MTCL2: variants seen among roughly 807,000 people sequenced by gnomAD.
MTCL2 encodes the protein microtubule cross-linking factor 2.
the MTCL2 span, chr20:36,802,730 G>A: frequency 8.8e-7 from 1 of 1,142,586 alleles, no homozygotes; most frequent in South Asian, 1.6e-5. Flanking sequence ...TGAAGGAGAT[G>A]GTGTGCCAGA....
the MTCL2 span, chr20:36,862,594 A>G: frequency 1.4e-6 from 2 of 1,391,938 alleles, no homozygotes; most frequent in Non-Finnish European, 1.9e-6. Flanking sequence ...CTGGTGCCTC[A>G]GGCCCGCGGG....
At chr20:36,805,877 C>T in the MTCL2 span, 109 of 1,612,828 alleles carry the variant, frequency 6.8e-5, no homozygotes, top group South Asian at 1.3e-4. Flanking sequence ...AGCTGTCCCC[C>T]GTGCAGGCCT....
chr20:36,863,139 C>T, the MTCL2 span: 1 of 1,392,460 alleles, frequency 7.2e-7, no homozygotes, highest in Non-Finnish European at 9.4e-7. The surrounding 1 kb of genome is among the most constrained non-coding windows in gnomAD (Gnocchi z 6.2). Context: ...CTTGTCCGGC[C>T]GTGAGGAGAA....
chr20:36,863,381 G>T, the MTCL2 span: 2 of 1,148,614 alleles, frequency 1.7e-6, no homozygotes, highest in Admixed American at 4.8e-5. This position sits in a 1 kb window ranked among gnomAD's most constrained non-coding sequence, Gnocchi z 6.2. Flanking sequence ...TGCGCGCATG[G>T]CCCAGGCCCG....
At chr20:36,815,547 G>A in the MTCL2 span, 6 of 1,572,280 alleles carry the variant, frequency 3.8e-6, no homozygotes, top group East Asian at 2.4e-5. The surrounding 1 kb of genome is among the most constrained non-coding windows in gnomAD (Gnocchi z 5.3). Context: ...CTCGCCCAGG[G>A]GAGCAGGCAC....
At chr20:36,793,905 C>T in the MTCL2 span, 134 of 1,550,954 alleles carry the variant, frequency 8.6e-5, no homozygotes, top group Admixed American at 1.4e-4. The surrounding 1 kb of genome is among the most constrained non-coding windows in gnomAD (Gnocchi z 6.8). Context: ...CGGGGTGGGT[C>T]GGTCTGCAGG....
chr20:36,808,392 G>T, the MTCL2 span: 1 of 734,792 alleles, frequency 1.4e-6, no homozygotes, highest in Non-Finnish European at 2.2e-6. Flanking sequence ...CAGGAAGGAA[G>T]CCTGCATGCT....
At chr20:36,807,910 C>G in the MTCL2 span, among the ~76,000 whole-genome samples, 1 of 114,492 alleles carries the variant, frequency 8.7e-6, no homozygotes, top group South Asian at 3.1e-4. Context: ...GAGTCTTGCT[C>G]TCTCTCCCAC....
At chr20:36,858,947 C>A in the MTCL2 span, among the ~76,000 whole-genome samples, 1 of 152,112 alleles carries the variant, frequency 6.6e-6, no homozygotes, top group East Asian at 1.9e-4. Context: ...CCCACGACCA[C>A]GCCTGGGTAA....
the MTCL2 span, among the ~76,000 whole-genome samples, chr20:36,854,005 C>G: frequency 6.6e-6 from 1 of 152,192 alleles, no homozygotes; most frequent in East Asian, 1.9e-4. Flanking sequence ...ATCTCAAAAA[C>G]TCAGAGCAGG....
chr20:36,816,895 G>A, the MTCL2 span, among the ~76,000 whole-genome samples: 1 of 152,204 alleles, frequency 6.6e-6, no homozygotes, highest in Non-Finnish European at 1.5e-5. Context: ...CTGGGGTGGG[G>A]AGCGAGCATC....
chr20:36,788,343 C>T, the MTCL2 span, among the ~76,000 whole-genome samples: 2 of 151,898 alleles, frequency 1.3e-5, no homozygotes, highest in African/African-American at 4.8e-5. Flanking sequence ...GAGCAAGACC[C>T]CATCTCTTTA....
chr20:36,830,064 C>T, the MTCL2 span, among the ~76,000 whole-genome samples: 697 of 152,162 alleles, frequency 4.6e-3, 2 homozygotes, highest in African/African-American at 0.016. Flanking sequence ...GAACTTGTGG[C>T]CTCAAGGGAT....
chr20:36,780,771 A>G, the MTCL2 span: 2 of 152,226 alleles, frequency 1.3e-5, no homozygotes, highest in East Asian at 1.9e-4. Context: ...GCCAAGGTCA[A>G]TCACGTTGGT....
chr20:36,855,125 C>G, the MTCL2 span, among the ~76,000 whole-genome samples: 1 of 152,226 alleles, frequency 6.6e-6, no homozygotes, highest in Non-Finnish European at 1.5e-5. Context: ...AACAGGCAAG[C>G]GCCAAGTGCT....
At chr20:36,786,886 C>T in the MTCL2 span, among the ~76,000 whole-genome samples, 7 of 152,154 alleles carry the variant, frequency 4.6e-5, no homozygotes, top group African/African-American at 9.7e-5. Flanking sequence ...TGGTCCTGCA[C>T]GCCAAAGAGA....
At chr20:36,780,933 T>G in the MTCL2 span, 1 of 152,222 alleles carries the variant, frequency 6.6e-6, no homozygotes, top group African/African-American at 2.4e-5. Context: ...ACATGCTTGC[T>G]TCCCATAATT....
At chr20:36,848,665 G>C in the MTCL2 span, among the ~76,000 whole-genome samples, 1 of 152,190 alleles carries the variant, frequency 6.6e-6, no homozygotes, top group South Asian at 2.1e-4. Flanking sequence ...GCAGGGGGAG[G>C]GGGTGAGACC....
At chr20:36,792,352 T>C in the MTCL2 span, among the ~76,000 whole-genome samples, 1 of 151,800 alleles carries the variant, frequency 6.6e-6, no homozygotes, top group Non-Finnish European at 1.5e-5. Context: ...TACTAAAAAA[T>C]ACAAAAATTA....
Sources: gnomAD v4.1 joint callset for allele counts (sites outside exome capture counted in the v4.1 genomes callset) on GRCh38, gnomAD v4.1.1 for gene constraint, Gnocchi (gnomAD v3.1) non-coding constraint, MANE v1.5 for transcripts, NCBI Gene and HGNC (gene_info 2026-07-23, HGNC 2026-07-21) for gene names.